EPB41L1: variants seen among roughly 807,000 people sequenced by gnomAD.
EPB41L1 encodes the protein erythrocyte membrane protein band 4.1 like 1, also known as band 4.1-like protein 1.
A neutral mutation model predicts 97.8 loss-of-function variants in EPB41L1; 29 were observed. The observed-to-expected ratio is 0.30, with a 90% CI of 0.22 to 0.40. EPB41L1 has a LOEUF of 0.40. Among genes scored for constraint, EPB41L1 ranks in the 10% least tolerant of loss-of-function variants. EPB41L1 has a pLI of 1.00. For synonymous variants in EPB41L1, 383 were observed against 459.2 expected, an observed-to-expected ratio of 0.83 and a Z score of 2.12; for missense variants, 812 against 1,162.3, an observed-to-expected ratio of 0.70 and a Z score of 4.38.
At position 36,105,256 on chromosome 20, in the gene EPB41L1, G is replaced by A. The variant is rs536053511; in HGVS notation, c.-64-7170G>A. 1.3e-3 allele frequency among the ~76,000 whole-genome samples: 205 copies of A among 152,218 alleles called. 1 individual carries two copies. The highest frequency in any genetic ancestry group is 4.3e-4 in the Non-Finnish European group (29 of 67,994). On this transcript the variant is annotated intron_variant, in intron 1 of 19. Coordinates refer to the EPB41L1 transcript ENST00000202028. ...TAGTGGTATCACCTCCATTGCAGGG[G>A]AAGAAACCAGGGCTTCCAAGGTCAG...
chr20:36,092,573 G>A lies in EPB41L1; in HGVS notation c.-65+961G>A, dbSNP rs1009181917. The A allele has an allele frequency of 1.3e-5, 2 of 151,948 alleles. No homozygotes were observed. The highest frequency in any genetic ancestry group is 2.9e-5 in the Non-Finnish European group (2 of 68,082). The allele number at this position is 151,948 out of a possible 1,614,324, so 9.4% of individuals were successfully genotyped here. The stretch of plus-strand genomic sequence containing the variant: ...TTCGCCCGCCCGCTGCTGCTTGGGG[G>A]GCCGGGATCGCCGCCGCCTCCTCCG... On this transcript the variant is annotated intron_variant, in intron 1 of 19. Transcript: ENST00000202028. This position sits in a 1 kb window ranked among gnomAD's most constrained non-coding sequence, Gnocchi z 7.0.
intron 21 of EPB41L1, among the ~76,000 whole-genome samples, chr20:36,223,983 G>A (rs888361046): frequency 6.6e-6 from 1 of 152,120 alleles, no homozygotes; most frequent in African/African-American, 2.4e-5. Context: ...GTCTTTTCTA[G>A]AAAGATACGA....
At chr20:36,198,454 T>G (rs1262759663) in intron 14 of EPB41L1, among the ~76,000 whole-genome samples, 1 of 152,188 alleles carries the variant, frequency 6.6e-6, no homozygotes, top group African/African-American at 2.4e-5. Context: ...AGAATCCCAA[T>G]AGCTCTCTCC....
intron 1 of EPB41L1, among the ~76,000 whole-genome samples, chr20:36,097,728 A>G (rs182468737): frequency 1.2e-3 from 180 of 152,380 alleles, no homozygotes; most frequent in Non-Finnish European, 1.9e-3. Context: ...GGGTATTTGA[A>G]ATAGCATGTG....
chr20:36,190,751 G>A lies in EPB41L1; in HGVS notation c.1254G>A (p.Glu418=), dbSNP rs1364552018. The change falls in exon 11 of 22, where the codon GAG becomes GAA. Residue 418 remains glutamate (E), a synonymous_variant. Transcript: ENST00000338074. This position sits in a 1 kb window ranked among gnomAD's most constrained non-coding sequence, Gnocchi z 5.8. The part of the protein sequence containing the change: ...ALIDRPAPFF[E]RSSSKRYTMS... ...TTGACCGGCCTGCACCCTTCTTTGA[G>A]CGTTCTTCCAGCAAACGGTACACCA... 2.5e-6 allele frequency: 4 copies of A among 1,614,082 alleles called. No individual in the cohort carries two copies. The South Asian group carries it at 4.4e-5, about 18-fold the overall frequency.
At position 36,212,091 on chromosome 20, in the gene EPB41L1, C is replaced by T. The variant is rs572455718; in HGVS notation, c.2080-181C>T. ...TCCTGGTGGTGGTCCTGGCTCTCCTCGCGGGCTATCTGTCTATGATATCAC... is the reference window on the plus strand; with the variant it reads ...TCCTGGTGGTGGTCCTGGCTCTCCTTGCGGGCTATCTGTCTATGATATCAC... On this transcript the variant is annotated intron_variant, in intron 15 of 21. Transcript: ENST00000338074. The surrounding 1 kb of genome is among the most constrained non-coding windows in gnomAD (Gnocchi z 4.8). Among the ~76,000 whole-genome samples the T allele has an allele frequency of 2.0e-5, 3 of 152,332 alleles. No individual in the cohort carries two copies. Among genetic ancestry groups the T allele is most frequent in the East Asian group, 1.9e-4 (1 of 5,184 alleles).
chr20:36,206,915 A>C lies in EPB41L1; in HGVS notation c.1669-2573A>C, dbSNP rs766583240. 16 of 1,289,824 alleles carry C rather than the reference A, an allele frequency of 1.2e-5. No individual in the cohort carries two copies. The highest frequency in any genetic ancestry group is 4.6e-5 in the Admixed American group (2 of 43,552). 79.9% of individuals were successfully genotyped at this position (1,289,824 alleles called of 1,614,324 possible). ...GGACAGGGCGTGCATCCCGACCCCC[A>C]GGCCTGCGCCCTTCCTCGGGCCATC... On this transcript the variant is annotated intron_variant, in intron 14 of 21. Coordinates refer to ENST00000338074, the MANE Select transcript of EPB41L1 (RefSeq NM_012156.2). This position sits in a 1 kb window ranked among gnomAD's most constrained non-coding sequence, Gnocchi z 5.5.
At chr20:36,136,127 T>A (rs1411615955) in intron 2 of EPB41L1, among the ~76,000 whole-genome samples, 1 of 152,086 alleles carries the variant, frequency 6.6e-6, no homozygotes, top group Non-Finnish European at 1.5e-5. Flanking sequence ...TACAAAAAAA[T>A]TTTCAAAATT....
Position 36,195,277 on chromosome 20 carries a change from A to G in EPB41L1, c.1450-52A>G. ...AAGCCCATCGTGGTATCTCTAATCC[A>G]TCTGCTCTACTGACCCTGCTGCTTT... is the stretch of plus-strand genomic sequence containing the variant. On this transcript the variant is annotated intron_variant, in intron 12 of 21. Coordinates refer to ENST00000338074, the MANE Select transcript of EPB41L1 (RefSeq NM_012156.2). This position sits in a 1 kb window ranked among gnomAD's most constrained non-coding sequence, Gnocchi z 4.6. 6.2e-7 allele frequency: 1 copy of G among 1,611,282 alleles called. No individual in the cohort carries two copies. The highest frequency in any genetic ancestry group is 1.1e-5 in the South Asian group (1 of 91,008).
At chr20:36,138,220 A>G (rs2590950) in intron 2 of EPB41L1, among the ~76,000 whole-genome samples, 1 of 150,546 alleles carries the variant, frequency 6.6e-6, no homozygotes, top group South Asian at 2.1e-4. Context: ...ATTATTTTGG[A>G]TATAGCCTCA....
rs545025510 is a variant in EPB41L1 at position 36,203,902 on chromosome 20, G to T, written c.1669-5586G>T. 2.6e-5 allele frequency among the ~76,000 whole-genome samples: 4 copies of T among 152,002 alleles called. No individual in the cohort carries two copies. The East Asian group carries it at 7.7e-4, about 29-fold the overall frequency. ...TCTCTTGAGCCTTCAAAATGTTTCA[G>T]ATCTTATGGGATCTGACAGACTCCT... On this transcript the variant is annotated intron_variant, in intron 14 of 21. Coordinates refer to ENST00000338074, the MANE Select transcript of EPB41L1 (RefSeq NM_012156.2).
chr20:36,223,235 T>C (rs547164609), intron 21 of EPB41L1, among the ~76,000 whole-genome samples: 4 of 152,286 alleles, frequency 2.6e-5, no homozygotes, highest in African/African-American at 9.6e-5. Context: ...GGTTTTACCT[T>C]GTTGGCCAGG....
intron 1 of EPB41L1, among the ~76,000 whole-genome samples, chr20:36,103,129 C>T (rs1230391127): frequency 6.6e-6 from 1 of 152,238 alleles, no homozygotes; most frequent in Admixed American, 6.5e-5. Context: ...CTCCTCTGCA[C>T]TCCCTTAGTA....
intron 6 of EPB41L1, among the ~76,000 whole-genome samples, chr20:36,183,150 T>G (rs554766491): frequency 6.6e-6 from 1 of 152,218 alleles, no homozygotes; most frequent in Non-Finnish European, 1.5e-5. Context: ...TCCAAAGAGA[T>G]AGTCTCACTT....
chr20:36,221,068 C>G (rs191907888), intron 19 of EPB41L1, among the ~76,000 whole-genome samples: 11 of 152,314 alleles, frequency 7.2e-5, no homozygotes, highest in Admixed American at 4.6e-4. Flanking sequence ...GTTTTACATC[C>G]CACGCCCACA....
At chr20:36,156,146 G>A (rs377420420) in intron 1 of EPB41L1, among the ~76,000 whole-genome samples, 3 of 152,336 alleles carry the variant, frequency 2.0e-5, no homozygotes, top group East Asian at 3.9e-4. Context: ...GCCCAGGAAG[G>A]CTCTGCCAGC....
At chr20:36,175,736 A>G in intron 3 of EPB41L1, 21 bp downstream of exon 3, 2 of 1,613,610 alleles carry the variant, frequency 1.2e-6, no homozygotes, top group Non-Finnish European at 1.7e-6. Context: ...ACTGAGTGCC[A>G]TATGTCCCGT....
intron 17 of EPB41L1, among the ~76,000 whole-genome samples, chr20:36,215,507 T>G (rs1458820786): frequency 6.6e-6 from 1 of 152,220 alleles, no homozygotes; most frequent in East Asian, 1.9e-4. Context: ...CAATCTAGAC[T>G]AGCCAGCAGG....
intron 2 of EPB41L1, among the ~76,000 whole-genome samples, chr20:36,139,128 C>T (rs1313735443): frequency 6.6e-6 from 1 of 152,204 alleles, no homozygotes; most frequent in Non-Finnish European, 1.5e-5. Context: ...CCCAAGAGGG[C>T]CAGCTTCCTG....
Sources: allele counts gnomAD v4.1 joint callset (sites outside exome capture counted in the v4.1 genomes callset), GRCh38; gene constraint gnomAD v4.1.1; non-coding constraint Gnocchi (gnomAD v3.1); transcripts MANE v1.5; gene names NCBI Gene and HGNC (gene_info 2026-07-23, HGNC 2026-07-21).